Variants in NEDD4 observed in about 807,000 individuals in gnomAD.
NEDD4 encodes the protein NEDD4 E3 ubiquitin protein ligase, also known as E3 ubiquitin-protein ligase NEDD4.
A neutral mutation model predicts 144.9 loss-of-function variants in NEDD4; 99 were observed. The ratio of observed to expected loss-of-function variants is 0.68; its 90% confidence interval spans 0.58 to 0.81. NEDD4 has a LOEUF of 0.81. Ranked by LOEUF, NEDD4 falls within the 30% of genes least tolerant of loss-of-function variation. The pLI, the probability that NEDD4 is intolerant of heterozygous loss-of-function variation, is 0.00. For synonymous variants in NEDD4, 318 were observed against 350.6 expected, an observed-to-expected ratio of 0.91 and a Z score of 1.04; for missense variants, 985 against 1,065.9, an observed-to-expected ratio of 0.92 and a Z score of 1.06.
At chr15:55,943,280 G>A (rs1429582642) in intron 4 of NEDD4, among the ~76,000 whole-genome samples, 1 of 152,218 alleles carries the variant, frequency 6.6e-6, no homozygotes, top group Non-Finnish European at 1.5e-5. Context: ...GCCAGCTGCT[G>A]GAGCTGAATG....
At chr15:55,863,105 A>C (rs1454527262) in intron 8 of NEDD4, 26 bp from the exon 9 acceptor site, 1 of 1,516,716 alleles carries the variant, frequency 6.6e-7, no homozygotes, top group Admixed American at 2.1e-5. Context: ...GCAGCAATTA[A>C]GTTTACGCAT....
chr15:55,894,756 G>A (rs1222895195), intron 5 of NEDD4, among the ~76,000 whole-genome samples: 4 of 152,076 alleles, frequency 2.6e-5, no homozygotes, highest in East Asian at 1.9e-4. Flanking sequence ...TTATTGTGAG[G>A]ATTTAAAAAT....
chr15:55,930,184 AT>A (rs1474370918), intron 4 of NEDD4, among the ~76,000 whole-genome samples: 1 of 152,166 alleles, frequency 6.6e-6, no homozygotes, highest in Non-Finnish European at 1.5e-5. Context: ...TATTTTTTAT[AT>A]TTTTAAATGG....
At chr15:55,863,566 G>A (rs2034483096) in intron 8 of NEDD4, among the ~76,000 whole-genome samples, 1 of 151,944 alleles carries the variant, frequency 6.6e-6, no homozygotes, top group African/African-American at 2.4e-5. Context: ...TACAATTATT[G>A]TCAATCAAAA....
chr15:55,966,602 CAAT>C, intron 1 of NEDD4, 56 bp from the exon 2 acceptor site: 1 of 854,676 alleles, frequency 1.2e-6, no homozygotes, highest in Non-Finnish European at 1.7e-6. Context: ...AACTAAGACA[CAAT>C]TTTTTAAAAA....
intron 18 of NEDD4, among the ~76,000 whole-genome samples, chr15:55,844,206 A>C (rs2033641442): frequency 1.3e-5 from 2 of 152,128 alleles, no homozygotes; most frequent in Non-Finnish European, 2.9e-5. Flanking sequence ...AAGGGAAAGA[A>C]GGCAGGGATT....
intron 4 of NEDD4, among the ~76,000 whole-genome samples, chr15:55,946,569 C>A (rs1266176858): frequency 6.6e-6 from 1 of 152,186 alleles, no homozygotes; most frequent in African/African-American, 2.4e-5. Flanking sequence ...GAGACTTTAA[C>A]ACCCCACTGT....
intron 18 of NEDD4, 143 bp from the exon 19 acceptor site, chr15:55,842,306 T>A: frequency 1.5e-6 from 1 of 669,758 alleles, no homozygotes; most frequent in Non-Finnish European, 2.5e-6. Flanking sequence ...AAAACACAAC[T>A]AGGTATATTG....
chr15:55,906,932 C>T (rs2142177353), intron 5 of NEDD4, among the ~76,000 whole-genome samples: 1 of 151,768 alleles, frequency 6.6e-6, no homozygotes, highest in South Asian at 2.1e-4. Flanking sequence ...CCCATCTCTA[C>T]TAAAAATAAA....
intron 4 of NEDD4, among the ~76,000 whole-genome samples, chr15:55,943,908 CAG>C (rs1326507322): frequency 6.6e-6 from 1 of 152,232 alleles, no homozygotes; most frequent in African/African-American, 2.4e-5. Context: ...TGCAGAGACA[CAG>C]GGGTGGAGAC....
At position 55,834,242 on chromosome 15, in the gene NEDD4, A is replaced by G. The variant is rs763907119; in HGVS notation, c.2307T>C (p.Asp769=). Residue 769 remains aspartate (D), a synonymous_variant, in exon 25 of 29, where the codon GAT becomes GAC. Transcript: ENST00000435532. ...TATGTCTTACCTCTAGTTCATTTTC[A>G]TCAAAAATTTTGATGAGATCCTGTG... is the stretch of plus-strand genomic sequence containing the variant. The part of the protein sequence containing the change: ...LIPQDLIKIF[D]ENELELLMCG... The G allele has an allele frequency of 1.2e-6, 2 of 1,610,690 alleles. No individual in the cohort carries two copies. Among genetic ancestry groups the G allele is most frequent in the Admixed American group, 1.7e-5 (1 of 59,920 alleles).
At chr15:55,993,451 G>T in intron 1 of NEDD4, 60 bp downstream of exon 1, 1 of 1,571,078 alleles carries the variant, frequency 6.4e-7, no homozygotes, top group Non-Finnish European at 8.6e-7. Context: ...CTACCTCCCC[G>T]GGTCCGGCTG....
At chr15:55,916,203 C>T in intron 5 of NEDD4, 1 of 1,613,976 alleles carries the variant, frequency 6.2e-7, no homozygotes, top group Non-Finnish European at 8.5e-7. Context: ...ATTGGAGGTG[C>T]TGTCAGAAGG....
At chr15:55,948,189 C>T (rs1303761204) in intron 4 of NEDD4, among the ~76,000 whole-genome samples, 22 of 152,150 alleles carry the variant, frequency 1.4e-4, no homozygotes, top group Non-Finnish European at 2.5e-4. Context: ...CATGAGTGAA[C>T]TCCCATTCAC....
chr15:55,930,819 A>G (rs143045794), intron 4 of NEDD4, among the ~76,000 whole-genome samples: 27 of 152,258 alleles, frequency 1.8e-4, no homozygotes, highest in East Asian at 3.9e-4. Flanking sequence ...CATGTATGAT[A>G]TGCCTTTGCT....
chr15:55,946,261 C>T (rs909165264), intron 4 of NEDD4, among the ~76,000 whole-genome samples: 3 of 152,090 alleles, frequency 2.0e-5, no homozygotes, highest in Non-Finnish European at 4.4e-5. Context: ...AGGAGACCCA[C>T]CTCATGTGCA....
At chr15:55,983,303 T>TGTGCGC (rs1555409976) in intron 1 of NEDD4, among the ~76,000 whole-genome samples, 2 of 151,398 alleles carry the variant, frequency 1.3e-5, no homozygotes, top group African/African-American at 4.8e-5. Context: ...TGTGTGTGCG[T>TGTGCGC]GCGCGCGCGT....
At chr15:55,978,179 C>T (rs2037736933) in intron 1 of NEDD4, among the ~76,000 whole-genome samples, 1 of 152,144 alleles carries the variant, frequency 6.6e-6, no homozygotes, top group South Asian at 2.1e-4. Flanking sequence ...GAAAATGTAA[C>T]AAGCATTAAT....
chr15:55,936,753 C>T (rs1366854107), intron 4 of NEDD4, among the ~76,000 whole-genome samples: 3 of 151,528 alleles, frequency 2.0e-5, no homozygotes, highest in South Asian at 2.1e-4. Context: ...TCCCTCTAAG[C>T]ATGTAAAGTG....
Sources: gnomAD v4.1 joint callset for allele counts (sites outside exome capture counted in the v4.1 genomes callset) on GRCh38, gnomAD v4.1.1 for gene constraint, MANE v1.5 for transcripts, NCBI Gene and HGNC (gene_info 2026-07-23, HGNC 2026-07-21) for gene names.